PPP2R3B: variants seen among roughly 807,000 people sequenced by gnomAD.
The protein encoded by PPP2R3B is serine/threonine-protein phosphatase 2A regulatory subunit B'' subunit beta.
Under a neutral mutation model 72.9 loss-of-function variants are expected in PPP2R3B, and 68 were observed. The observed-to-expected ratio is 0.93, with a 90% CI of 0.77 to 1.14. The LOEUF (loss-of-function observed/expected upper bound fraction) is 1.14, where lower values mean the gene tolerates loss of function less well. Among genes scored for constraint, PPP2R3B ranks in the 50% most tolerant of loss-of-function variants. The probability of loss-of-function intolerance (pLI) is 0.00; values close to 1 mark genes in which losing one functional copy is unlikely to be tolerated. For missense variants in PPP2R3B, 1,018 were observed against 842.0 expected, an observed-to-expected ratio of 1.21 and a Z score of -2.59; for synonymous variants, 466 against 375.8, an observed-to-expected ratio of 1.24 and a Z score of -2.78.
At chrX:358,973 G>A (rs1335935963) in intron 2 of PPP2R3B, among the ~76,000 whole-genome samples, 2 of 151,640 alleles carry the variant, frequency 1.3e-5, no homozygotes, top group Middle Eastern at 3.2e-3. Context: ...CGCCCTGGCG[G>A]GGAAGCACCG....
chrX:338,561 T>A, intron 12 of PPP2R3B, 43 bp downstream of exon 12: 1 of 1,305,212 alleles, frequency 7.7e-7, no homozygotes, highest in Non-Finnish European at 1.0e-6. Context: ...TCACCCGTCC[T>A]CCCACTGACC....
chrX:341,814 A>G, intron 8 of PPP2R3B, 69 bp downstream of exon 8: 1 of 1,547,886 alleles, frequency 6.5e-7, no homozygotes, highest in South Asian at 1.1e-5. Flanking sequence ...ACGTCAGGCA[A>G]CGATGAGGAG....
At position 352,882 on chromosome X, in the gene PPP2R3B, C is replaced by T. The variant is rs189503149; in HGVS notation, c.511-5189G>A. On this transcript the variant is annotated intron_variant, in intron 2 of 12. Transcript: ENST00000390665. ...GCCAAGCTATGTGAGCGAGTGACAT[C>T]GCGGAGCCGGAGGAGTCTTCAGGGT... is the stretch of plus-strand genomic sequence containing the variant. Among the ~76,000 whole-genome samples the T allele has an allele frequency of 6.8e-4, 103 of 150,756 alleles. No individual in the cohort carries two copies. The Middle Eastern group carries it at 0.014, about 20-fold the overall frequency.
chrX:361,443 CGTG>C lies in PPP2R3B; in HGVS notation c.469_471del (p.His157del), dbSNP rs779461938. ...CCCATGTCATCCATGGTGGCCCTCT[CGTG>C]GGGGAACCGGGCGAAGGTGCTCTCG... On this transcript the variant is annotated inframe_deletion, in exon 2 of 13. Transcript: ENST00000390665. 7 of 1,613,978 alleles carry C rather than the reference CGTG, an allele frequency of 4.3e-6. No individual in the cohort carries two copies. Among genetic ancestry groups the C allele is most frequent in the Non-Finnish European group, 5.9e-6 (7 of 1,179,846 alleles).
intron 7 of PPP2R3B, among the ~76,000 whole-genome samples, chrX:343,769 C>T (rs1234070882): frequency 3.6e-5 from 1 of 27,418 alleles, no homozygotes; most frequent in Non-Finnish European, 7.5e-5. Flanking sequence ...GAGACCTCAG[C>T]AACGGGAGGG....
intron 1 of PPP2R3B, among the ~76,000 whole-genome samples, chrX:383,867 A>AAC (rs2072183640): frequency 7.2e-6 from 1 of 138,452 alleles, no homozygotes; most frequent in African/African-American, 2.7e-5. Flanking sequence ...AAAAAAAAAA[A>AAC]CCAAAAAAAC....
chrX:341,974 G>T, intron 7 of PPP2R3B, 43 bp from the exon 8 acceptor site: 2 of 1,608,840 alleles, frequency 1.2e-6, no homozygotes, highest in Admixed American at 3.3e-5. Flanking sequence ...ACCGTGCCTC[G>T]GCCCCGACGT....
intron 2 of PPP2R3B, among the ~76,000 whole-genome samples, chrX:350,533 G>A (rs1450838842): frequency 3.4e-5 from 5 of 147,448 alleles, no homozygotes; most frequent in African/African-American, 1.1e-4. Flanking sequence ...AAAGAGGCCC[G>A]AACACGACCG....
At chrX:370,099 A>G (rs2071824742) in intron 1 of PPP2R3B, among the ~76,000 whole-genome samples, 1 of 152,164 alleles carries the variant, frequency 6.6e-6, no homozygotes, top group African/African-American at 2.4e-5. Flanking sequence ...ACACCTGCAA[A>G]CCGCACGCTG....
At position 346,758 on chromosome X, in the gene PPP2R3B, G is replaced by A. The variant is rs748970073; in HGVS notation, c.735C>T (p.His245=). The A allele has an allele frequency of 2.5e-6, 4 of 1,610,312 alleles. No individual in the cohort carries two copies. Among genetic ancestry groups the A allele is most frequent in the East Asian group, 2.2e-5 (1 of 44,834 alleles). The change falls in exon 5 of 13, where the codon CAC becomes CAT. Residue 245 remains histidine, a synonymous_variant. Coordinates refer to ENST00000390665, the MANE Select transcript of PPP2R3B (RefSeq NM_013239.5). Reference sequence around the variant, plus strand: ...CCTCCTTCAGGAACGACAGCCCCGGGTGCGTGTTCACCACGTCCTGCGGGT... The same window carrying A: ...CCTCCTTCAGGAACGACAGCCCCGGATGCGTGTTCACCACGTCCTGCGGGT... The part of the protein sequence containing the change: ...VPFLQDVVNT[H]PGLSFLKEAS...
In PPP2R3B at chrX:353,230, C is replaced by T. The variant is rs1157785693; in HGVS notation, c.511-5537G>A. On this transcript the variant is annotated intron_variant, in intron 2 of 12. Transcript: ENST00000390665. ...CTCTCCTAAAAATACACAAATTAGCCGGGTGTGGTGGCGCATGCCTGTAAT... is the reference window on the plus strand; with the variant it reads ...CTCTCCTAAAAATACACAAATTAGCTGGGTGTGGTGGCGCATGCCTGTAAT... 2.0e-5 allele frequency among the ~76,000 whole-genome samples: 3 copies of T among 152,024 alleles called. 1 individual carries two copies. Among genetic ancestry groups the T allele is most frequent in the South Asian group, 4.2e-4 (2 of 4,808 alleles).
rs368160829 is a variant in PPP2R3B, at chrX:334,265, G to C, written c.*102C>G. 3.9e-6 allele frequency: 5 copies of C among 1,283,696 alleles called. No individual in the cohort carries two copies. In the African/African-American group the frequency reaches 4.8e-5, roughly 12 times the overall value. 79.5% of individuals were successfully genotyped at this position (1,283,696 alleles called of 1,614,324 possible). ...TGAATAAATAAAAGTTTATCATTCCGTACAAACGCACTCATTTTCCACAAC... is the reference window on the plus strand; with the variant it reads ...TGAATAAATAAAAGTTTATCATTCCCTACAAACGCACTCATTTTCCACAAC... On this transcript the variant is annotated 3_prime_UTR_variant, in exon 13 of 13. Coordinates refer to ENST00000390665, the MANE Select transcript of PPP2R3B (RefSeq NM_013239.5).
At chrX:374,538 C>T (rs2071947936) in intron 1 of PPP2R3B, among the ~76,000 whole-genome samples, 1 of 152,118 alleles carries the variant, frequency 6.6e-6, no homozygotes, top group Non-Finnish European at 1.5e-5. Flanking sequence ...AAAAGGGGGA[C>T]GGGCAACTTT....
intron 7 of PPP2R3B, 72 bp from the exon 8 acceptor site, chrX:342,003 AGACTGGATGCGGTGGG>A: frequency 1.9e-6 from 3 of 1,583,234 alleles, no homozygotes; most frequent in Non-Finnish European, 2.6e-6. Context: ...CCCGGAGCCG[AGACTGGATGCGGTGGG>A]GACCGAAAAG....
At chrX:347,796 G>T in intron 2 of PPP2R3B, 103 bp from the exon 3 acceptor site, 2 of 832,834 alleles carry the variant, frequency 2.4e-6, no homozygotes, top group Non-Finnish European at 3.6e-6. Context: ...ACCCTCTGCT[G>T]CAGAAAGACA....
At chrX:380,338 G>A (rs999779883) in intron 1 of PPP2R3B, among the ~76,000 whole-genome samples, 1 of 152,186 alleles carries the variant, frequency 6.6e-6, no homozygotes, top group Non-Finnish European at 1.5e-5. Flanking sequence ...ACAGTTGTAT[G>A]TAAAGAGCTC....
In PPP2R3B at chrX:364,513, A is replaced by C. The variant is rs1359882570; in HGVS notation, c.325-2923T>G. On this transcript the variant is annotated intron_variant, in intron 1 of 12. Coordinates refer to ENST00000390665, the MANE Select transcript of PPP2R3B (RefSeq NM_013239.5). ...GCAAAACTTCATCTCTACTAAAAAA[A>C]AAAAAAACAAAAAAAAAAAAACAGA... Among the ~76,000 whole-genome samples the C allele has an allele frequency of 1.4e-4, 15 of 109,428 alleles. No homozygotes were observed. The East Asian group carries it at 2.1e-3, about 16-fold the overall frequency. 71.8% of individuals were successfully genotyped at this position (109,428 alleles called of 152,430 possible).
rs1487333849 is a variant in PPP2R3B at position 354,250 on chromosome X, GGGCTCACCCAAAC to G, written c.511-6570_511-6558del. 4.1e-3 allele frequency among the ~76,000 whole-genome samples: 617 copies of G among 150,488 alleles called. 8 individuals are homozygous for G. The highest frequency in any genetic ancestry group is 0.013 in the African/African-American group (550 of 40,824). On this transcript the variant is annotated intron_variant, in intron 2 of 12. Coordinates refer to ENST00000390665, the MANE Select transcript of PPP2R3B (RefSeq NM_013239.5). Reference sequence around the variant, plus strand: ...GACCGGGGGCTCACCCAAACACTGGGGGCTCACCCAAACACCAGGGGCTCACCCAAACACCGGG... The same window carrying G: ...GACCGGGGGCTCACCCAAACACTGGGACCAGGGGCTCACCCAAACACCGGG...
chrX:352,035 A>T (rs2071342538), intron 2 of PPP2R3B, among the ~76,000 whole-genome samples: 1 of 152,214 alleles, frequency 6.6e-6, no homozygotes, highest in Non-Finnish European at 1.5e-5. Flanking sequence ...ACTGAGCGGG[A>T]GAGTGCTGGG....
Sources: gnomAD v4.1 joint callset for allele counts (sites outside exome capture counted in the v4.1 genomes callset) on GRCh38, gnomAD v4.1.1 for gene constraint, MANE v1.5 for transcripts, NCBI Gene and HGNC (gene_info 2026-07-23, HGNC 2026-07-21) for gene names.